Variants in PLCB4 observed in about 807,000 individuals in gnomAD.
The protein encoded by PLCB4 is 1-phosphatidylinositol 4,5-bisphosphate phosphodiesterase beta-4.
In PLCB4, 77 loss-of-function variants were observed where a neutral mutation model predicts 178.8. The ratio of observed to expected loss-of-function variants is 0.43; its 90% CI spans 0.36 to 0.52. PLCB4 has a LOEUF of 0.52. Ranked by LOEUF, PLCB4 falls within the 20% of genes least tolerant of loss-of-function variation. The pLI is 0.00. For missense variants in PLCB4, 1,024 were observed against 1,453.4 expected, an observed-to-expected ratio of 0.70 and a Z score of 4.80; for synonymous variants, 496 against 490.8, an observed-to-expected ratio of 1.01 and a Z score of -0.14.
At chr20:9,327,984 C>T (rs2030989262) in intron 4 of PLCB4, among the ~76,000 whole-genome samples, 1 of 152,070 alleles carries the variant, frequency 6.6e-6, no homozygotes, top group East Asian at 1.9e-4. Flanking sequence ...ATGTAAAATA[C>T]CCAATTGTTT....
intron 2 of PLCB4, among the ~76,000 whole-genome samples, chr20:9,196,991 G>C (rs922190961): frequency 6.6e-6 from 1 of 152,222 alleles, no homozygotes; most frequent in African/African-American, 2.4e-5. Context: ...AAGATGCTCA[G>C]TGTAGTAAGA....
At chr20:9,258,776 A>G (rs915236421) in intron 3 of PLCB4, among the ~76,000 whole-genome samples, 1 of 151,784 alleles carries the variant, frequency 6.6e-6, no homozygotes, top group Admixed American at 6.6e-5. Flanking sequence ...GAATGACTTC[A>G]TGGTTTGGAG....
rs189776154 is a variant in PLCB4 at position 9,461,709 on chromosome 20, G to A, written c.3248+1899G>A. On this transcript the variant is annotated intron_variant, in intron 35 of 39. Coordinates refer to ENST00000378473, the MANE Select transcript of PLCB4 (RefSeq NM_001377142.1). ...GCAGCAACCTGGCTGGGGTAGGAGC[G>A]TCCACCATTGCTGAGGCTTGAGTAG... Among the ~76,000 whole-genome samples the A allele has an allele frequency of 1.8e-3, 268 of 152,246 alleles. 3 individuals carry two copies. In the South Asian group the frequency reaches 0.022, roughly 13 times the overall value.
chr20:9,292,646 A>G (rs181073502), intron 3 of PLCB4, among the ~76,000 whole-genome samples: 1 of 152,332 alleles, frequency 6.6e-6, no homozygotes, highest in East Asian at 1.9e-4. Flanking sequence ...CAAACTTGGT[A>G]AAGAATGGAA....
chr20:9,077,492 A>G (rs765325648), intron 1 of PLCB4, among the ~76,000 whole-genome samples: 2 of 152,200 alleles, frequency 1.3e-5, no homozygotes, highest in Admixed American at 6.5e-5. Context: ...GTAAGATTTC[A>G]CTTGTATATG....
intron 3 of PLCB4, among the ~76,000 whole-genome samples, chr20:9,295,270 A>G (rs2094620649): frequency 6.6e-6 from 1 of 152,130 alleles, no homozygotes; most frequent in African/African-American, 2.4e-5. Flanking sequence ...AGCACCTCCT[A>G]CTAAGGGAGA....
At chr20:9,416,496 C>A (rs1023996293) in intron 25 of PLCB4, among the ~76,000 whole-genome samples, 1 of 152,190 alleles carries the variant, frequency 6.6e-6, no homozygotes, top group Non-Finnish European at 1.5e-5. Flanking sequence ...ACCATTGTTA[C>A]CTCCCCTCAC....
chr20:9,366,076 A>G (rs7266929), intron 9 of PLCB4, among the ~76,000 whole-genome samples: 9,310 of 152,116 alleles, frequency 0.061, 912 homozygotes, highest in African/African-American at 0.21. Context: ...GCCCTGATGC[A>G]GGTAACAATG....
intron 28 of PLCB4, among the ~76,000 whole-genome samples, chr20:9,432,813 G>T (rs776479859): frequency 1.3e-5 from 2 of 152,190 alleles, no homozygotes; most frequent in Admixed American, 6.5e-5. Flanking sequence ...GCAGAAGGAT[G>T]CTGAGTAGAA....
intron 1 of PLCB4, among the ~76,000 whole-genome samples, chr20:9,070,887 T>G (rs2089538243): frequency 6.6e-6 from 1 of 152,216 alleles, no homozygotes; most frequent in Non-Finnish European, 1.5e-5. Flanking sequence ...GTTCTACAAG[T>G]AACTGTCAAA....
chr20:9,403,602 G>A (rs915175706), intron 20 of PLCB4, among the ~76,000 whole-genome samples: 3 of 152,188 alleles, frequency 2.0e-5, no homozygotes, highest in African/African-American at 7.2e-5. Flanking sequence ...GCAGAAAAAG[G>A]AAAGTGACCT....
intron 2 of PLCB4, among the ~76,000 whole-genome samples, chr20:9,201,044 A>G (rs978504331): frequency 4.6e-5 from 7 of 152,238 alleles, no homozygotes; most frequent in Non-Finnish European, 7.3e-5. Flanking sequence ...AGACATGGTA[A>G]AAATTCCATA....
intron 2 of PLCB4, among the ~76,000 whole-genome samples, chr20:9,207,524 A>T (rs2093627585): frequency 6.6e-6 from 1 of 152,230 alleles, no homozygotes; most frequent in African/African-American, 2.4e-5. Context: ...ACCTATTACT[A>T]TTATACAACT....
chr20:9,407,917 G>A lies in PLCB4; in HGVS notation c.1648G>A (p.Gly550Ser), dbSNP rs552026343. ...DDLEHENNKK[G>S]LVTVEDEQAW... ...TATGTTTTCTTCCTTGTGCTTGTAGGGCCTGGTCACTGTAGAAGATGAGCA... is the reference window on the plus strand; with the variant it reads ...TATGTTTTCTTCCTTGTGCTTGTAGAGCCTGGTCACTGTAGAAGATGAGCA... Residue 550 changes from glycine to serine, a missense_variant and splice_region_variant, in exon 22 of 40, where the codon GGC (glycine) becomes AGC (serine). By Grantham distance (56) the Gly-to-Ser change is moderately conservative. Around this residue, in one of 7 missense-constraint regions of PLCB4, gnomAD observed 263 missense variants for 417.4 expected, o/e 0.63. Coordinates refer to ENST00000378473, the MANE Select transcript of PLCB4 (RefSeq NM_001377142.1). The A allele has an allele frequency of 1.9e-6, 3 of 1,610,696 alleles. 1 individual carries two copies. The highest frequency in any genetic ancestry group is 3.3e-4 in the Middle Eastern group (2 of 6,044).
chr20:9,433,744 A>G (rs1051615284), intron 28 of PLCB4, among the ~76,000 whole-genome samples: 9 of 152,224 alleles, frequency 5.9e-5, no homozygotes, highest in African/African-American at 2.2e-4. Context: ...TAGAATATTA[A>G]CTTGCCAAAA....
chr20:9,350,154 T>TA (rs201701605), intron 7 of PLCB4, among the ~76,000 whole-genome samples: 334 of 150,320 alleles, frequency 2.2e-3, no homozygotes, highest in African/African-American at 6.9e-3. Context: ...AAAAATAAAT[T>TA]TAAAAAAAAA....
chr20:9,313,689 G>C (rs1197571580), intron 4 of PLCB4, among the ~76,000 whole-genome samples: 1 of 152,128 alleles, frequency 6.6e-6, no homozygotes, highest in Non-Finnish European at 1.5e-5. Context: ...TGGACATATG[G>C]AACAGAAACC....
chr20:9,075,248 A>G (rs1384206257), intron 1 of PLCB4, among the ~76,000 whole-genome samples: 2 of 152,138 alleles, frequency 1.3e-5, no homozygotes, highest in Non-Finnish European at 2.9e-5. Context: ...CCTGTCATTA[A>G]GCTGGTACAT....
In PLCB4 at chr20:9,356,261, G is replaced by A. The variant is rs532875616; in HGVS notation, c.370-6635G>A. Among the ~76,000 whole-genome samples, 811 of 152,190 alleles carry A rather than the reference G, an allele frequency of 5.3e-3. 3 individuals are homozygous for A. The highest frequency in any genetic ancestry group is 0.018 in the African/African-American group (764 of 41,528). On this transcript the variant is annotated intron_variant, in intron 7 of 39. Transcript: ENST00000378473. ...TGTAGGTTGCCTGTTCACTCTGATGGTAGTTTCTTTTGCTGTGCAGAAGCT... is the reference window on the plus strand; with the variant it reads ...TGTAGGTTGCCTGTTCACTCTGATGATAGTTTCTTTTGCTGTGCAGAAGCT...
Sources: allele counts gnomAD v4.1 joint callset (sites outside exome capture counted in the v4.1 genomes callset), GRCh38; gene constraint gnomAD v4.1.1; regional missense constraint gnomAD v4.1.1; transcripts MANE v1.5; gene names NCBI Gene and HGNC (gene_info 2026-07-23, HGNC 2026-07-21).